Variants in TGFB1I1 observed in about 807,000 individuals in gnomAD.
TGFB1I1 encodes the protein transforming growth factor beta-1-induced transcript 1 protein.
TGFB1I1 carries 33 observed loss-of-function variants against 52.0 expected under a neutral mutation model. The ratio of observed to expected loss-of-function variants is 0.63; its 90% CI spans 0.48 to 0.85. The LOEUF (loss-of-function observed/expected upper bound fraction) is 0.85, where lower values mean the gene tolerates loss of function less well. Among genes scored for constraint, TGFB1I1 ranks in the 40% least tolerant of loss-of-function variants. The pLI, the probability that TGFB1I1 is intolerant of heterozygous loss-of-function variation, is 0.00. For synonymous variants in TGFB1I1, 236 were observed against 253.3 expected (o/e 0.93, Z 0.65); for missense variants, 577 against 614.9 (o/e 0.94, Z 0.65).
intron 1 of TGFB1I1, 80 bp downstream of exon 1, chr16:31,472,281 TC>T: frequency 7.0e-7 from 1 of 1,419,052 alleles, no homozygotes; most frequent in Non-Finnish European, 9.2e-7. Context: ...CTCCCGCATC[TC>T]CCCATCCCTG....
At position 31,476,968 on chromosome 16, in the gene TGFB1I1, G is replaced by A. The variant is rs1289724147; in HGVS notation, c.1077G>A (p.Ser359=). Reference sequence around the variant, plus strand: ...GCCCCATCCTGGATAACTACATCTCGGCGCTCAGCGCGCTCTGGCACCCGG... The same window carrying A: ...GCCCCATCCTGGATAACTACATCTCAGCGCTCAGCGCGCTCTGGCACCCGG... ...CQGPILDNYI[S]ALSALWHPDC... The change falls in exon 10 of 11, where the codon TCG becomes TCA. Residue 359 remains serine (S), a synonymous_variant. Coordinates refer to ENST00000394863, the MANE Select transcript of TGFB1I1 (RefSeq NM_001042454.3). The surrounding 1 kb of genome is among the most constrained non-coding windows in gnomAD (Gnocchi z 7.6). The A allele has an allele frequency of 4.4e-6, 7 of 1,598,088 alleles. No individual in the cohort carries two copies. In the Admixed American group the frequency reaches 6.7e-5, roughly 15 times the overall value.
At position 31,477,831 on chromosome 16, in the gene TGFB1I1, G is replaced by GC. The variant is rs2082437405; in HGVS notation, c.*260dup. 1.9e-6 allele frequency: 1 copy of GC among 524,852 alleles called. No individual in the cohort carries two copies. The highest frequency in any genetic ancestry group is 2.0e-5 in the African/African-American group (1 of 51,222). The allele number at this position is 524,852 out of a possible 1,614,324, so 32.5% of individuals were successfully genotyped here. Reference sequence around the variant, plus strand: ...CCACTCTATTCCCACCCTTGAGGGAGCCCCCTTACTGGGGGAGGGTCCTTG... The same window carrying GC: ...CCACTCTATTCCCACCCTTGAGGGAGCCCCCCTTACTGGGGGAGGGTCCTTG... On this transcript the variant is annotated 3_prime_UTR_variant, in exon 11 of 11. Transcript: ENST00000394863. This position sits in a 1 kb window ranked among gnomAD's most constrained non-coding sequence, Gnocchi z 4.7.
rs775971821 is a variant in TGFB1I1, at chr16:31,474,717, A to G, written c.674A>G (p.Lys225Arg). The G allele has an allele frequency of 3.7e-6, 6 of 1,612,370 alleles. No individual in the cohort carries two copies. Among genetic ancestry groups the G allele is most frequent in the Non-Finnish European group, 5.1e-6 (6 of 1,179,474 alleles). The stretch of plus-strand genomic sequence containing the variant: ...CGCCGGGGTGTTCCCACCCAGGCCA[A>G]AGGCCTCTGTGGCTCCTGCAATAAA... ...LSRRGVPTQA[K>R]GLCGSCNKPI... Residue 225 changes from lysine (K) to arginine (R), a missense_variant, in exon 7 of 11, where the codon AAA becomes AGA. Physicochemically the swap from Lys to Arg is conservative, Grantham distance 26 (BLOSUM62 2). This residue lies in a region of TGFB1I1 where 456 missense variants were observed against 461.6 expected (regional missense o/e 0.99). Coordinates refer to ENST00000394863, the MANE Select transcript of TGFB1I1 (RefSeq NM_001042454.3). This position sits in a 1 kb window ranked among gnomAD's most constrained non-coding sequence, Gnocchi z 4.2.
chr16:31,473,357 C>A, intron 1 of TGFB1I1, 84 bp from the exon 2 acceptor site: 2 of 1,506,118 alleles, frequency 1.3e-6, no homozygotes, highest in South Asian at 1.2e-5. Context: ...GGCTTCTGTC[C>A]TTCTCCAGTA....
At chr16:31,473,592 G>C (rs1471662862) in intron 2 of TGFB1I1, 36 bp downstream of exon 2, 1 of 1,612,388 alleles carries the variant, frequency 6.2e-7, no homozygotes, top group Non-Finnish European at 8.5e-7. Flanking sequence ...GCAGCCACTA[G>C]GGCCAGGCTC....
chr16:31,473,047 C>G (rs890076500), intron 1 of TGFB1I1: 2 of 273,552 alleles, frequency 7.3e-6, no homozygotes, highest in Non-Finnish European at 1.2e-5. Context: ...CCAGGCTGGG[C>G]GGGGCCTGTG....
chr16:31,473,069 A>C lies in TGFB1I1; in HGVS notation c.14-372A>C, dbSNP rs45560937. The C allele has an allele frequency of 1.1e-3, 429 of 396,304 alleles. 2 individuals carry two copies. Among genetic ancestry groups the C allele is most frequent in the Non-Finnish European group, 1.4e-3 (385 of 280,714 alleles). 24.5% of individuals were successfully genotyped at this position (396,304 alleles called of 1,614,324 possible). On this transcript the variant is annotated intron_variant, in intron 1 of 10. Transcript: ENST00000394863. The stretch of plus-strand genomic sequence containing the variant: ...GGGCGGGGCCTGTGTAGGTAGAGGG[A>C]GGAGTTAACCAGCATGGAAGAGAGA...
chr16:31,477,456 C>T lies in TGFB1I1; in HGVS notation c.1266C>T (p.Arg422=). ...GCCGCTGCGTGTCGGCCCTGGGTCGCCGCTTCCACCCGGACCACTTCACAT... is the reference window on the plus strand; with the variant it reads ...GCCGCTGCGTGTCGGCCCTGGGTCGTCGCTTCCACCCGGACCACTTCACAT... ...VTGRCVSALG[R]RFHPDHFTCT... The change falls in exon 11 of 11, where the codon CGC becomes CGT. Residue 422 remains arginine (R), a synonymous_variant. Transcript: ENST00000394863. This position sits in a 1 kb window ranked among gnomAD's most constrained non-coding sequence, Gnocchi z 4.7. 1.2e-6 allele frequency: 2 copies of T among 1,600,220 alleles called. No homozygotes were observed. The highest frequency in any genetic ancestry group is 1.1e-5 in the South Asian group (1 of 89,154).
At position 31,473,835 on chromosome 16, in the gene TGFB1I1, C is replaced by G. The variant is rs1303284685; in HGVS notation, c.183C>G (p.Ser61Arg). The G allele has an allele frequency of 6.2e-7, 1 of 1,614,018 alleles. No individual in the cohort carries two copies. The highest frequency in any genetic ancestry group is 8.5e-7 in the Non-Finnish European group (1 of 1,179,932). The change falls in exon 4 of 11, where the codon AGC (serine) becomes AGG (arginine). Residue 61 changes from serine (S) to arginine (R), a missense_variant and splice_region_variant. Ser to Arg is a moderately radical substitution (Grantham distance 110). Around this residue, in one of 3 missense-constraint regions of TGFB1I1, gnomAD observed 113 missense variants for 123.9 expected, o/e 0.91. Coordinates refer to ENST00000394863, the MANE Select transcript of TGFB1I1 (RefSeq NM_001042454.3). ...CCCAGGCTCCCACTCTGCTTCCCAG[C>G]ACGGTATGCAAGCCTCGGTCCCCAA... The part of the protein sequence containing the change: ...GASGDKDHLY[S>R]TVCKPRSPKP...
In TGFB1I1 at chr16:31,477,719, G is replaced by C. The variant is rs1645080369; in HGVS notation, c.*143G>C. 8.6e-7 allele frequency: 1 copy of C among 1,165,090 alleles called. No individual in the cohort carries two copies. Among genetic ancestry groups the C allele is most frequent in the East Asian group, 2.6e-5 (1 of 38,244 alleles). The allele number at this position is 1,165,090 out of a possible 1,614,324, so 72.2% of individuals were successfully genotyped here. A position where few individuals can be genotyped will look rare whatever the true frequency, so the allele number is the denominator to read the frequency against. The stretch of plus-strand genomic sequence containing the variant: ...CCCTAAGGTACTATGAGTCCTCAGG[G>C]GTCAAGTTCAGAAACGGCCCAGCCA... On this transcript the variant is annotated 3_prime_UTR_variant, in exon 11 of 11. Coordinates refer to ENST00000394863, the MANE Select transcript of TGFB1I1 (RefSeq NM_001042454.3). The surrounding 1 kb of genome is among the most constrained non-coding windows in gnomAD (Gnocchi z 4.7).
chr16:31,476,429 G>A lies in TGFB1I1; in HGVS notation c.889-52G>A, dbSNP rs2082424026. ...AGTCACCCGGGTTCCGCGCGGGAGAGGAAGGCGCGAAGGCACGGAGGCCGC... is the reference window on the plus strand; with the variant it reads ...AGTCACCCGGGTTCCGCGCGGGAGAAGAAGGCGCGAAGGCACGGAGGCCGC... On this transcript the variant is annotated intron_variant, in intron 8 of 10. Transcript: ENST00000394863. This position sits in a 1 kb window ranked among gnomAD's most constrained non-coding sequence, Gnocchi z 7.6. The A allele has an allele frequency of 6.4e-7, 1 of 1,561,430 alleles. No individual in the cohort carries two copies. Among genetic ancestry groups the A allele is most frequent in the African/African-American group, 1.3e-5 (1 of 74,354 alleles).
Position 31,474,560 on chromosome 16 carries a change from C to A in TGFB1I1, c.520-3C>A. The stretch of plus-strand genomic sequence containing the variant: ...CTCAATTCTCATGTCCTCCCCGCTG[C>A]AGCTTCCAGCCTCTGGGCCAACTCA... On this transcript the variant is annotated splice_region_variant and splice_polypyrimidine_tract_variant and intron_variant, in intron 6 of 10. Coordinates refer to ENST00000394863, the MANE Select transcript of TGFB1I1 (RefSeq NM_001042454.3). The surrounding 1 kb of genome is among the most constrained non-coding windows in gnomAD (Gnocchi z 4.2). 3.1e-6 allele frequency: 5 copies of A among 1,608,408 alleles called. No homozygotes were observed. Among genetic ancestry groups the A allele is most frequent in the Non-Finnish European group, 4.3e-6 (5 of 1,176,204 alleles).
At position 31,477,562 on chromosome 16, in the gene TGFB1I1, A is replaced by G. The variant is rs1277490646; in HGVS notation, c.1372A>G (p.Lys458Glu). 1 of 1,606,468 alleles carries G rather than the reference A, an allele frequency of 6.2e-7. No individual in the cohort carries two copies. Among genetic ancestry groups the G allele is most frequent in the Admixed American group, 1.7e-5 (1 of 59,476 alleles). ...GKPYCQPCFL[K>E]LFG ...GCCCTACTGCCAGCCCTGCTTCCTG[A>G]AGCTCTTCGGCTGACAGCCCGCTCG... is the stretch of plus-strand genomic sequence containing the variant. The change falls in exon 11 of 11, where the codon AAG becomes GAG. Residue 458 changes from lysine (K) to glutamate (E), a missense_variant. By Grantham distance (56) the Lys-to-Glu change is moderately conservative. Around this residue, in one of 3 missense-constraint regions of TGFB1I1, gnomAD observed 456 missense variants for 461.6 expected, o/e 0.99. Transcript: ENST00000394863. This position sits in a 1 kb window ranked among gnomAD's most constrained non-coding sequence, Gnocchi z 4.7.
intron 1 of TGFB1I1, 184 bp from the exon 2 acceptor site, chr16:31,473,257 A>C (rs1316356442): frequency 5.7e-6 from 8 of 1,408,672 alleles, no homozygotes; most frequent in Non-Finnish European, 7.4e-6. Context: ...AAGCGTGAGC[A>C]ACTGGGATAT....
chr16:31,477,369 C>T lies in TGFB1I1; in HGVS notation c.1179C>T (p.Cys393=). Residue 393 remains cysteine (C), a synonymous_variant, in exon 11 of 11, where the codon TGC becomes TGT. Coordinates refer to ENST00000394863, the MANE Select transcript of TGFB1I1 (RefSeq NM_001042454.3). The surrounding 1 kb of genome is among the most constrained non-coding windows in gnomAD (Gnocchi z 4.7). ...SFFEHEGRPL[C]ENHFHARRGS... ...TCGAGCACGAGGGCCGCCCGTTGTG[C>T]GAGAACCACTTCCACGCACGACGCG... The T allele has an allele frequency of 6.2e-7, 1 of 1,612,164 alleles. No individual in the cohort carries two copies. The highest frequency in any genetic ancestry group is 8.5e-7 in the Non-Finnish European group (1 of 1,179,472).
rs2082435900 is a variant in TGFB1I1 at position 31,477,645 on chromosome 16, C to G, written c.*69C>G. The G allele has an allele frequency of 7.4e-6, 11 of 1,490,518 alleles. No individual in the cohort carries two copies. Among genetic ancestry groups the G allele is most frequent in the Non-Finnish European group, 9.8e-6 (11 of 1,123,252 alleles). The allele number at this position is 1,490,518 out of a possible 1,614,324, so 92.3% of individuals were successfully genotyped here. A position where few individuals can be genotyped will look rare whatever the true frequency, so the allele number is the denominator to read the frequency against. On this transcript the variant is annotated 3_prime_UTR_variant, in exon 11 of 11. Coordinates refer to ENST00000394863, the MANE Select transcript of TGFB1I1 (RefSeq NM_001042454.3). The surrounding 1 kb of genome is among the most constrained non-coding windows in gnomAD (Gnocchi z 4.7). The stretch of plus-strand genomic sequence containing the variant: ...CGGAAAAGCCGGGTCCTCCAGACCC[C>G]GAGGCCTTGCTCTCAGAGCGGGAGG...
chr16:31,476,622 GC>G lies in TGFB1I1; in HGVS notation c.970+64del. On this transcript the variant is annotated intron_variant, in intron 9 of 10. Transcript: ENST00000394863. The surrounding 1 kb of genome is among the most constrained non-coding windows in gnomAD (Gnocchi z 7.6). ...CGGGTCCCCTCGACGTCTCGCCCCA[GC>G]CCCTCCGACCTCCGGAGTCCTCAGG... is the stretch of plus-strand genomic sequence containing the variant. 1 of 1,557,350 alleles carries G rather than the reference GC, an allele frequency of 6.4e-7. No homozygotes were observed. The highest frequency in any genetic ancestry group is 8.8e-7 in the Non-Finnish European group (1 of 1,142,724).
At position 31,476,737 on chromosome 16, in the gene TGFB1I1, AC is replaced by A; in HGVS notation, c.971-122del. 6.6e-7 allele frequency: 1 copy of A among 1,513,862 alleles called. No homozygotes were observed. The highest frequency in any genetic ancestry group is 1.2e-5 in the South Asian group (1 of 81,096). 93.8% of individuals were successfully genotyped at this position (1,513,862 alleles called of 1,614,324 possible). On this transcript the variant is annotated intron_variant, in intron 9 of 10. Transcript: ENST00000394863. The surrounding 1 kb of genome is among the most constrained non-coding windows in gnomAD (Gnocchi z 7.6). ...CCCTCCCCGCTCTGTCCCGCCATAGACCCGGCTCCTCCTTCCCCAAGGCTCC... is the reference window on the plus strand; with the variant it reads ...CCCTCCCCGCTCTGTCCCGCCATAGACCGGCTCCTCCTTCCCCAAGGCTCC...
In TGFB1I1 at chr16:31,476,355, A is replaced by C. The variant is rs1596612820; in HGVS notation, c.889-126A>C. 1 of 1,022,666 alleles carries C rather than the reference A, an allele frequency of 9.8e-7. No homozygotes were observed. The highest frequency in any genetic ancestry group is 1.3e-6 in the Non-Finnish European group (1 of 764,816). 63.3% of individuals were successfully genotyped at this position (1,022,666 alleles called of 1,614,324 possible). On this transcript the variant is annotated intron_variant, in intron 8 of 10. Coordinates refer to ENST00000394863, the MANE Select transcript of TGFB1I1 (RefSeq NM_001042454.3). The surrounding 1 kb of genome is among the most constrained non-coding windows in gnomAD (Gnocchi z 7.6). ...ACTCCACTCTTCCTTTCTGACCCCC[A>C]CGTTCCTAGTTAGATCTTCTCCCCC... is the stretch of plus-strand genomic sequence containing the variant.
Sources: allele counts gnomAD v4.1 joint callset, GRCh38; gene constraint gnomAD v4.1.1; regional missense constraint gnomAD v4.1.1; non-coding constraint Gnocchi (gnomAD v3.1); transcripts MANE v1.5; gene names NCBI Gene and HGNC (gene_info 2026-07-23, HGNC 2026-07-21).